DCLK1: variants seen among roughly 807,000 people sequenced by gnomAD.
DCLK1 encodes the protein serine/threonine-protein kinase DCLK1.
In DCLK1, 16 loss-of-function variants were observed where a neutral mutation model predicts 86.2. That is an observed-to-expected ratio of 0.19 (90% CI 0.13 to 0.28). The LOEUF is 0.28. Ranked by LOEUF, DCLK1 falls within the 10% of genes least tolerant of loss-of-function variation. The probability of loss-of-function intolerance (pLI) is 1.00; values close to 1 mark genes in which losing one functional copy is unlikely to be tolerated. For missense variants in DCLK1, 590 were observed against 940.2 expected, an observed-to-expected ratio of 0.63 and a Z score of 4.87; for synonymous variants, 369 against 370.5, an observed-to-expected ratio of 1.00 and a Z score of 0.05.
At chr13:35,932,403 A>G (rs968882853) in intron 4 of DCLK1, among the ~76,000 whole-genome samples, 8 of 152,076 alleles carry the variant, frequency 5.3e-5, no homozygotes, top group African/African-American at 1.9e-4. Flanking sequence ...TTATAAGTAT[A>G]TCTTTCGTCT....
intron 3 of DCLK1, among the ~76,000 whole-genome samples, chr13:36,069,124 G>A (rs1029079861): frequency 2.0e-5 from 3 of 152,140 alleles, no homozygotes; most frequent in Non-Finnish European, 1.5e-5. Context: ...TGAAGAAACC[G>A]AAGTTTTGTA....
intron 3 of DCLK1, among the ~76,000 whole-genome samples, chr13:36,066,663 C>T (rs117900840): frequency 0.015 from 2,282 of 151,968 alleles, 24 homozygotes; most frequent in Non-Finnish European, 0.026. Context: ...ACTCATCTGA[C>T]GAAGGGCTAA....
chr13:35,917,678 C>T (rs1335255561), intron 4 of DCLK1, among the ~76,000 whole-genome samples: 1 of 152,162 alleles, frequency 6.6e-6, no homozygotes, highest in East Asian at 1.9e-4. Flanking sequence ...AACTGGATAC[C>T]TACTGAATTC....
intron 3 of DCLK1, among the ~76,000 whole-genome samples, chr13:36,110,827 ATTTTTT>A (rs869131031): frequency 8.3e-6 from 1 of 120,138 alleles, no homozygotes; most frequent in African/African-American, 3.2e-5. Context: ...CATATAATCA[ATTTTTT>A]TTTTTTTTTT....
chr13:35,899,843 C>T (rs953438958), intron 4 of DCLK1, among the ~76,000 whole-genome samples: 3 of 152,030 alleles, frequency 2.0e-5, no homozygotes, highest in Non-Finnish European at 4.4e-5. Context: ...AAAAAGAACG[C>T]TATTGGTAAA....
intron 3 of DCLK1, among the ~76,000 whole-genome samples, chr13:36,069,966 C>T (rs1883905965): frequency 6.6e-6 from 1 of 152,128 alleles, no homozygotes; most frequent in East Asian, 1.9e-4. Context: ...GTGCAATCAG[C>T]CAGTCAACAA....
chr13:35,829,320 AATC>A (rs1868756523), intron 8 of DCLK1, among the ~76,000 whole-genome samples: 1 of 152,232 alleles, frequency 6.6e-6, no homozygotes. Context: ...CATACTTCAT[AATC>A]ATAGTAAACC....
Position 36,102,096 on chromosome 13 carries a change from G to A in DCLK1, c.723+9773C>T, listed in dbSNP as rs571168757. 3.0e-4 allele frequency among the ~76,000 whole-genome samples: 45 copies of A among 152,030 alleles called. 1 individual carries two copies. The South Asian group carries it at 8.5e-3, about 29-fold the overall frequency. On this transcript the variant is annotated intron_variant, in intron 3 of 16. Transcript: ENST00000360631. ...AAGCATACACCTGTGCACACAGCAC[G>A]ACTCTTTACAACTTATTTCTGTTGT...
chr13:35,959,734 A>C (rs571851177), intron 3 of DCLK1, among the ~76,000 whole-genome samples: 1 of 152,106 alleles, frequency 6.6e-6, no homozygotes, highest in Non-Finnish European at 1.5e-5. Flanking sequence ...CTATGATCTC[A>C]GGGGAGACTA....
At chr13:35,825,515 T>G (rs1593631153) in intron 10 of DCLK1, among the ~76,000 whole-genome samples, 1 of 152,262 alleles carries the variant, frequency 6.6e-6, no homozygotes, top group East Asian at 1.9e-4. Flanking sequence ...TCTCACCAAA[T>G]GCGTTCAGAG....
chr13:35,934,531 CA>C (rs1876647438), intron 4 of DCLK1, among the ~76,000 whole-genome samples: 1 of 152,188 alleles, frequency 6.6e-6, no homozygotes, highest in Non-Finnish European at 1.5e-5. Context: ...GACGCAAAAG[CA>C]GAAACCCCTG....
intron 3 of DCLK1, among the ~76,000 whole-genome samples, chr13:35,962,166 C>G (rs1010186167): frequency 6.6e-6 from 1 of 152,012 alleles, no homozygotes; most frequent in Non-Finnish European, 1.5e-5. Flanking sequence ...TTGAACTGTG[C>G]CCCCCAAAAC....
At chr13:36,066,859 T>C (rs1190131625) in intron 3 of DCLK1, among the ~76,000 whole-genome samples, 2 of 151,350 alleles carry the variant, frequency 1.3e-5, no homozygotes, top group Non-Finnish European at 2.9e-5. Context: ...CACAATGAGA[T>C]ACCATCTCAC....
intron 6 of DCLK1, among the ~76,000 whole-genome samples, chr13:35,852,861 T>C (rs576619710): frequency 9.3e-4 from 142 of 152,256 alleles, no homozygotes; most frequent in African/African-American, 3.3e-3. Flanking sequence ...ACTCTTAATG[T>C]CAACAACTAA....
chr13:35,829,800 C>T (rs761448891), intron 8 of DCLK1, among the ~76,000 whole-genome samples: 1 of 152,158 alleles, frequency 6.6e-6, no homozygotes, highest in Admixed American at 6.5e-5. Flanking sequence ...CCCTTTGCTT[C>T]GGGGCTCCCC....
chr13:36,045,257 CTA>C (rs59721866), intron 3 of DCLK1, among the ~76,000 whole-genome samples: 17,804 of 122,104 alleles, frequency 0.15, 1,846 homozygotes, highest in East Asian at 0.3. Flanking sequence ...AATCCATCTT[CTA>C]TATATATATA....
chr13:35,848,635 A>T, intron 6 of DCLK1: 1 of 985,382 alleles, frequency 1.0e-6, no homozygotes, highest in Non-Finnish European at 1.2e-6. Context: ...TCTACCACTT[A>T]GAACAAATAG....
At chr13:35,966,715 G>A (rs923602268) in intron 3 of DCLK1, among the ~76,000 whole-genome samples, 10 of 152,000 alleles carry the variant, frequency 6.6e-5, no homozygotes, top group Non-Finnish European at 1.0e-4. Flanking sequence ...CATGTTGGCC[G>A]GGCTGGTCTC....
At chr13:35,967,677 C>A (rs1470617084) in intron 3 of DCLK1, among the ~76,000 whole-genome samples, 4 of 152,112 alleles carry the variant, frequency 2.6e-5, no homozygotes, top group African/African-American at 9.7e-5. Context: ...TACCCAGGGA[C>A]ACAAACACTG....
Sources: gnomAD v4.1 joint callset for allele counts (sites outside exome capture counted in the v4.1 genomes callset) on GRCh38, gnomAD v4.1.1 for gene constraint, MANE v1.5 for transcripts, NCBI Gene and HGNC (gene_info 2026-07-23, HGNC 2026-07-21) for gene names.